MAP2K4: variants seen among roughly 807,000 people sequenced by gnomAD.
MAP2K4 encodes dual specificity mitogen-activated protein kinase kinase 4.
MAP2K4 carries 4 observed loss-of-function variants against 48.5 expected under a neutral mutation model. The observed-to-expected ratio is 0.08, with a 90% CI of 0.04 to 0.19. The LOEUF is 0.19. Ranked by LOEUF, MAP2K4 falls within the 10% of genes least tolerant of loss-of-function variation. MAP2K4 has a pLI of 1.00. For synonymous variants in MAP2K4, 166 were observed against 173.1 expected (o/e 0.96, Z 0.32); for missense variants, 258 against 493.3 (o/e 0.52, Z 4.52).
chr17:12,084,022 A>T (rs1019306928), intron 3 of MAP2K4, among the ~76,000 whole-genome samples: 1 of 152,216 alleles, frequency 6.6e-6, no homozygotes, highest in African/African-American at 2.4e-5. Context: ...GCTGGAAATG[A>T]TCCTTAAGAT....
intron 4 of MAP2K4, 107 bp downstream of exon 4, chr17:12,095,801 ATATCTCAG>A (rs1971718346): frequency 1.6e-6 from 2 of 1,247,178 alleles, no homozygotes; most frequent in Admixed American, 4.2e-5. Flanking sequence ...TAATAAGTTA[ATATCTCAG>A]TATCTTAGTG....
intron 3 of MAP2K4, among the ~76,000 whole-genome samples, chr17:12,082,752 TGTG>T (rs545515908): frequency 6.6e-6 from 1 of 152,206 alleles, no homozygotes; most frequent in Non-Finnish European, 1.5e-5. Context: ...ATTTTTAAAA[TGTG>T]GTGAGAACTA....
At chr17:12,116,442 AAATT>A (rs1322274923) in intron 7 of MAP2K4, among the ~76,000 whole-genome samples, 2 of 150,120 alleles carry the variant, frequency 1.3e-5, no homozygotes, top group African/African-American at 5.1e-5. Context: ...CTTCAGTAAT[AAATT>A]AACCTGAGTG....
chr17:12,058,402 G>C (rs1597421621), intron 2 of MAP2K4, among the ~76,000 whole-genome samples: 2 of 151,876 alleles, frequency 1.3e-5, no homozygotes, highest in East Asian at 3.9e-4. Context: ...ATTAACTCTG[G>C]TTTCTAGGCC....
chr17:12,089,982 T>C lies in MAP2K4; in HGVS notation c.394-5593T>C, dbSNP rs532274313. 7.9e-5 allele frequency among the ~76,000 whole-genome samples: 12 copies of C among 152,360 alleles called. No individual in the cohort carries two copies. In the South Asian group the frequency reaches 2.5e-3, roughly 32 times the overall value. On this transcript the variant is annotated intron_variant, in intron 3 of 10. Coordinates refer to ENST00000353533, the MANE Select transcript of MAP2K4 (RefSeq NM_003010.4). Reference sequence around the variant, plus strand: ...TCTGGACTCCTCAGTTCTTGATTCCTTACATGTTTGCTGATGACTCATATC... The same window carrying C: ...TCTGGACTCCTCAGTTCTTGATTCCCTACATGTTTGCTGATGACTCATATC...
intron 2 of MAP2K4, among the ~76,000 whole-genome samples, chr17:12,076,179 T>C (rs918359475): frequency 1.3e-5 from 2 of 152,176 alleles, no homozygotes; most frequent in Admixed American, 1.3e-4. Context: ...GCCACCTGCC[T>C]ATATATGAAG....
chr17:12,082,095 G>T, intron 3 of MAP2K4: 2 of 322,700 alleles, frequency 6.2e-6, no homozygotes, highest in Non-Finnish European at 6.8e-6. Flanking sequence ...TTGTGATAAT[G>T]TTGTCACATT....
At chr17:12,084,844 A>G (rs930210911) in intron 3 of MAP2K4, among the ~76,000 whole-genome samples, 1 of 152,200 alleles carries the variant, frequency 6.6e-6, no homozygotes, top group Admixed American at 6.5e-5. Flanking sequence ...TTTCTGAGCT[A>G]GGGTAATTCA....
intron 2 of MAP2K4, among the ~76,000 whole-genome samples, chr17:12,074,815 G>A (rs1970944461): frequency 6.6e-6 from 1 of 152,150 alleles, no homozygotes; most frequent in Admixed American, 6.5e-5. Context: ...TATCACAGTT[G>A]GTGAACTCTT....
intron 3 of MAP2K4, among the ~76,000 whole-genome samples, chr17:12,086,415 C>T (rs1971363858): frequency 6.6e-6 from 1 of 152,126 alleles, no homozygotes; most frequent in African/African-American, 2.4e-5. Context: ...ACTCAGGTTG[C>T]TTATGTAGAT....
At chr17:12,060,108 G>A (rs1970401165) in intron 2 of MAP2K4, among the ~76,000 whole-genome samples, 1 of 151,642 alleles carries the variant, frequency 6.6e-6, no homozygotes. Flanking sequence ...AGCCCTGGAG[G>A]TTGAGGCTAC....
At position 12,129,234 on chromosome 17, in the gene MAP2K4, T is replaced by C; in HGVS notation, c.987T>C (p.Ser329=). ...QVVKGDPPQL[S]NSEEREFSPS... ...TGAAAGGAGATCCTCCGCAGCTGAGTAATTCTGAGGAAAGGGAATTCTCCC... is the reference window on the plus strand; with the variant it reads ...TGAAAGGAGATCCTCCGCAGCTGAGCAATTCTGAGGAAAGGGAATTCTCCC... Residue 329 remains serine (S), a synonymous_variant, in exon 9 of 11, where the codon AGT becomes AGC. Coordinates refer to ENST00000353533, the MANE Select transcript of MAP2K4 (RefSeq NM_003010.4). 2 of 1,614,212 alleles carry C rather than the reference T, an allele frequency of 1.2e-6. No individual in the cohort carries two copies. The highest frequency in any genetic ancestry group is 1.7e-6 in the Non-Finnish European group (2 of 1,179,990).
At chr17:12,091,374 G>A (rs775964720) in intron 3 of MAP2K4, among the ~76,000 whole-genome samples, 2 of 152,126 alleles carry the variant, frequency 1.3e-5, no homozygotes, top group Non-Finnish European at 2.9e-5. Flanking sequence ...GCTGTGTTTT[G>A]TGACGAGATG....
At position 12,099,057 on chromosome 17, in the gene MAP2K4, C is replaced by T. The variant is rs1417973732; in HGVS notation, c.513+3363C>T. 3.3e-5 allele frequency among the ~76,000 whole-genome samples: 5 copies of T among 151,902 alleles called. No homozygotes were observed. The East Asian group carries it at 9.6e-4, about 29-fold the overall frequency. The stretch of plus-strand genomic sequence containing the variant: ...CATCATCCACCCCGTTCAACTCCTC[C>T]CTCCCTTCTGTGTCTCCAAGGTCTC... On this transcript the variant is annotated intron_variant, in intron 4 of 10. Coordinates refer to ENST00000353533, the MANE Select transcript of MAP2K4 (RefSeq NM_003010.4).
At chr17:12,079,195 A>G (rs1295124895) in intron 2 of MAP2K4, among the ~76,000 whole-genome samples, 1 of 152,212 alleles carries the variant, frequency 6.6e-6, no homozygotes, top group Non-Finnish European at 1.5e-5. Context: ...GTTTTTGGAT[A>G]TTAGCCCAAG....
chr17:12,021,754 AAG>A (rs1491019022), intron 1 of MAP2K4, among the ~76,000 whole-genome samples: 30 of 151,752 alleles, frequency 2.0e-4, no homozygotes, highest in African/African-American at 6.5e-4. Flanking sequence ...AAAAAAAAAA[AAG>A]AAGACTTAAT....
chr17:12,073,191 A>T (rs2151541478), intron 2 of MAP2K4, among the ~76,000 whole-genome samples: 1 of 152,344 alleles, frequency 6.6e-6, no homozygotes, highest in East Asian at 1.9e-4. Flanking sequence ...TTTATAGCAG[A>T]GACTTCATCC....
intron 1 of MAP2K4, among the ~76,000 whole-genome samples, chr17:12,027,938 G>A (rs1478519740): frequency 2.6e-5 from 4 of 152,174 alleles, no homozygotes; most frequent in African/African-American, 4.8e-5. Context: ...TGCCATAATC[G>A]TTGCTCCCAT....
At chr17:12,114,408 GTGTGTGTGTA>G (rs1239883021) in intron 7 of MAP2K4, among the ~76,000 whole-genome samples, 1 of 135,372 alleles carries the variant, frequency 7.4e-6, no homozygotes, top group Non-Finnish European at 1.7e-5. Context: ...GTGTGTGTGT[GTGTGTGTGTA>G]GACACCTAAC....
Sources: gnomAD v4.1 joint callset for allele counts (sites outside exome capture counted in the v4.1 genomes callset) on GRCh38, gnomAD v4.1.1 for gene constraint, MANE v1.5 for transcripts, NCBI Gene and HGNC (gene_info 2026-07-23, HGNC 2026-07-21) for gene names.